The following SCFD2 variants were observed in gnomAD, a reference collection of about 807,000 sequenced individuals.
SCFD2 encodes sec1 family domain-containing protein 2.
A neutral mutation model predicts 58.9 loss-of-function variants in SCFD2; 54 were observed. That is an observed-to-expected ratio of 0.92 (90% CI 0.74 to 1.15). SCFD2 has a LOEUF of 1.15. Ranked by LOEUF, SCFD2 falls within the 50% of genes most tolerant of loss-of-function variation. The pLI is 0.00. For missense variants in SCFD2, 805 were observed against 836.6 expected, an observed-to-expected ratio of 0.96 and a Z score of 0.47; for synonymous variants, 321 against 335.9, an observed-to-expected ratio of 0.96 and a Z score of 0.49.
chr4:52,899,942 C>T (rs575145493), intron 7 of SCFD2, among the ~76,000 whole-genome samples: 14 of 152,276 alleles, frequency 9.2e-5, no homozygotes, highest in Non-Finnish European at 1.3e-4. Context: ...TTGATCGCAT[C>T]GGTTACTTAG....
intron 5 of SCFD2, among the ~76,000 whole-genome samples, chr4:52,967,435 TAA>T (rs1397956413): frequency 6.6e-6 from 1 of 152,208 alleles, no homozygotes; most frequent in African/African-American, 2.4e-5. Flanking sequence ...TTATTTTGCT[TAA>T]TTTTCACAAC....
intron 7 of SCFD2, among the ~76,000 whole-genome samples, chr4:52,887,162 T>C (rs1259549516): frequency 6.6e-6 from 1 of 152,104 alleles, no homozygotes; most frequent in Non-Finnish European, 1.5e-5. Flanking sequence ...AGTTAAAGCT[T>C]TAGGTAGGTG....
intron 5 of SCFD2, among the ~76,000 whole-genome samples, chr4:52,978,347 T>C (rs1259251238): frequency 6.6e-6 from 1 of 152,174 alleles, no homozygotes; most frequent in East Asian, 1.9e-4. Context: ...TACTCTCTGA[T>C]GACCCCCTAG....
In SCFD2 at chr4:53,235,534, ATAAAG is replaced by A. The variant is rs200550212; in HGVS notation, c.1311+38287_1311+38291del. 4.4e-3 allele frequency among the ~76,000 whole-genome samples: 667 copies of A among 152,364 alleles called. 3 individuals are homozygous for A. Among genetic ancestry groups the A allele is most frequent in the Middle Eastern group, 0.027 (8 of 294 alleles). ...TTATCTTATATTCTAGCAGAGAGAG[ATAAAG>A]TAAACAAAATAATGTCAATAAACGA... On this transcript the variant is annotated intron_variant, in intron 4 of 8. Transcript: ENST00000401642.
At chr4:53,287,524 C>T (rs542549521) in intron 3 of SCFD2, among the ~76,000 whole-genome samples, 21 of 152,210 alleles carry the variant, frequency 1.4e-4, no homozygotes, top group African/African-American at 3.6e-4. Context: ...AGTCTGTACC[C>T]GCCCAGAACC....
intron 4 of SCFD2, among the ~76,000 whole-genome samples, chr4:53,266,390 A>C (rs1730984616): frequency 6.6e-6 from 1 of 152,182 alleles, no homozygotes; most frequent in Non-Finnish European, 1.5e-5. Context: ...TAACACTATG[A>C]GGTAGATAAT....
At chr4:53,041,345 C>T (rs982951055) in intron 5 of SCFD2, among the ~76,000 whole-genome samples, 12 of 152,172 alleles carry the variant, frequency 7.9e-5, no homozygotes, top group African/African-American at 2.7e-4. Context: ...GTATGTTTTA[C>T]ACTTAACAGA....
At chr4:53,252,744 T>A (rs1730442230) in intron 4 of SCFD2, among the ~76,000 whole-genome samples, 1 of 152,154 alleles carries the variant, frequency 6.6e-6, no homozygotes, top group Non-Finnish European at 1.5e-5. Flanking sequence ...TCAAGATGGA[T>A]TATTAAAGAC....
chr4:52,920,569 C>T (rs560569743), intron 6 of SCFD2, among the ~76,000 whole-genome samples, 156 bp downstream of exon 6: 12 of 152,260 alleles, frequency 7.9e-5, no homozygotes, highest in East Asian at 7.7e-4. Context: ...TTTCAGATTC[C>T]GTGGGACCCA....
At chr4:53,070,482 G>A (rs1490664945) in intron 5 of SCFD2, among the ~76,000 whole-genome samples, 2 of 151,852 alleles carry the variant, frequency 1.3e-5, no homozygotes. Flanking sequence ...GAAGGAAAAG[G>A]GTAGATAAAT....
At chr4:52,909,554 A>G (rs1719433305) in intron 6 of SCFD2, among the ~76,000 whole-genome samples, 1 of 152,208 alleles carries the variant, frequency 6.6e-6, no homozygotes, top group Non-Finnish European at 1.5e-5. Flanking sequence ...AGCAATGATT[A>G]TGGGGTGGCG....
rs1429114263 is a variant in SCFD2, at chr4:53,365,838, C to T, written c.104G>A (p.Ser35Asn). The T allele has an allele frequency of 1.2e-6, 2 of 1,613,764 alleles. No homozygotes were observed. The highest frequency in any genetic ancestry group is 1.1e-5 in the South Asian group (1 of 91,046). ...VVYLDAACAE[S>N]LHWGCGSTRL... is the part of the protein sequence containing the mutation. ...GGTGGATCCGCAGCCCCAGTGCAGG[C>T]TCTCGGCGCAGGCGGCGTCCAGGTA... The change falls in exon 1 of 9, where the codon AGC (serine) becomes AAC (asparagine). Residue 35 changes from serine (S) to asparagine (N), a missense_variant. Coordinates refer to ENST00000401642, the MANE Select transcript of SCFD2 (RefSeq NM_152540.4). This position sits in a 1 kb window ranked among gnomAD's most constrained non-coding sequence, Gnocchi z 4.3.
chr4:53,047,494 G>C (rs1306902085), intron 5 of SCFD2, among the ~76,000 whole-genome samples: 1 of 152,098 alleles, frequency 6.6e-6, no homozygotes, highest in East Asian at 1.9e-4. Context: ...TATCTTCCAA[G>C]TATTTTCTTT....
At chr4:53,141,837 A>G (rs1447871878) in intron 5 of SCFD2, among the ~76,000 whole-genome samples, 2 of 152,074 alleles carry the variant, frequency 1.3e-5, no homozygotes, top group Non-Finnish European at 2.9e-5. Context: ...GCAAAAGAAA[A>G]GTCTGTCCCA....
At chr4:53,341,922 C>A (rs776874562) in intron 2 of SCFD2, among the ~76,000 whole-genome samples, 9 of 152,162 alleles carry the variant, frequency 5.9e-5, no homozygotes, top group Non-Finnish European at 8.8e-5. Flanking sequence ...GATTTTGTCA[C>A]CACCAGGTCT....
At chr4:53,358,010 T>C (rs1409252603) in intron 1 of SCFD2, among the ~76,000 whole-genome samples, 5 of 152,224 alleles carry the variant, frequency 3.3e-5, no homozygotes, top group Admixed American at 2.6e-4. Context: ...GGGATAATTA[T>C]AATACTTATC....
intron 5 of SCFD2, among the ~76,000 whole-genome samples, chr4:52,954,563 A>G (rs1720668363): frequency 6.6e-6 from 1 of 152,204 alleles, no homozygotes; most frequent in Non-Finnish European, 1.5e-5. Flanking sequence ...CAGGAATTTC[A>G]TATTCCGCCA....
intron 5 of SCFD2, among the ~76,000 whole-genome samples, chr4:52,986,491 A>ATTTTTTTTTTTTTTTTTTTTTTTTTTTTT (rs369944739): frequency 1.2e-5 from 1 of 84,924 alleles, no homozygotes; most frequent in Non-Finnish European, 2.1e-5. Context: ...TCTTCATGAA[A>ATTTTTTTTTTTTTTTTTTTTTTTTTTTTT]TTTTTTTTTT....
At chr4:53,308,382 A>G (rs765310086) in intron 3 of SCFD2, among the ~76,000 whole-genome samples, 2 of 152,192 alleles carry the variant, frequency 1.3e-5, no homozygotes, top group Non-Finnish European at 2.9e-5. Flanking sequence ...AAATGACCAT[A>G]TATCACATGG....
Sources: allele counts gnomAD v4.1 joint callset (sites outside exome capture counted in the v4.1 genomes callset), GRCh38; gene constraint gnomAD v4.1.1; non-coding constraint Gnocchi (gnomAD v3.1); transcripts MANE v1.5; gene names NCBI Gene and HGNC (gene_info 2026-07-23, HGNC 2026-07-21).